Variants in SIPA1L1 observed in about 807,000 individuals in gnomAD.
SIPA1L1 encodes signal induced proliferation associated 1 like 1.
SIPA1L1 carries 26 observed loss-of-function variants against 162.7 expected under a neutral mutation model. The ratio of observed to expected loss-of-function variants is 0.16; its 90% CI spans 0.12 to 0.22. The LOEUF is 0.22. SIPA1L1 is among the 10% of genes least tolerant of loss of function. SIPA1L1 has a pLI of 1.00. For synonymous variants in SIPA1L1, 829 were observed against 837.4 expected (o/e 0.99, Z 0.17); for missense variants, 1,874 against 2,241.0 (o/e 0.84, Z 3.31).
chr14:71,444,215 A>G (rs1287110158), intron 2 of SIPA1L1, among the ~76,000 whole-genome samples: 1 of 152,190 alleles, frequency 6.6e-6, no homozygotes, highest in African/African-American at 2.4e-5. Flanking sequence ...CGTTCTCGAA[A>G]GTAATACCGA....
chr14:71,336,881 C>G (rs1244628057), intron 2 of SIPA1L1, among the ~76,000 whole-genome samples: 1 of 151,972 alleles, frequency 6.6e-6, no homozygotes, highest in Non-Finnish European at 1.5e-5. Flanking sequence ...TCATTTTTTT[C>G]CCTTTGAATT....
At position 71,624,150 on chromosome 14, in the gene SIPA1L1, G is replaced by A. The variant is rs1567336631; in HGVS notation, c.1732G>A (p.Val578Ile). The A allele has an allele frequency of 6.2e-7, 1 of 1,614,212 alleles. No individual in the cohort carries two copies. The highest frequency in any genetic ancestry group is 2.2e-5 in the East Asian group (1 of 44,892). Residue 578 changes from valine (V) to isoleucine (I), a missense_variant, in exon 7 of 24, where the codon GTT becomes ATT. Physicochemically the swap from Val to Ile is conservative, Grantham distance 29. Coordinates refer to ENST00000381232, the MANE Select transcript of SIPA1L1 (RefSeq NM_001386936.1). The stretch of plus-strand genomic sequence containing the variant: ...TCTCAAAGAAGTGCTGGAGCACGTG[G>A]TTCCTGAGCTCAATGTCCAGTGCCT... ...LPLKEVLEHV[V>I]PELNVQCLRL...
chr14:71,662,620 T>C (rs1326969098), intron 10 of SIPA1L1, among the ~76,000 whole-genome samples: 2 of 152,174 alleles, frequency 1.3e-5, no homozygotes, highest in Non-Finnish European at 2.9e-5. Context: ...CCGCCTCTCT[T>C]ACATGCTGGG....
At chr14:71,508,965 G>A (rs1433622988) in intron 2 of SIPA1L1, among the ~76,000 whole-genome samples, 1 of 152,198 alleles carries the variant, frequency 6.6e-6, no homozygotes, top group East Asian at 1.9e-4. Flanking sequence ...GTTGAGTAGT[G>A]TAGATTTTCC....
At chr14:71,568,270 C>T (rs2031179398) in intron 4 of SIPA1L1, among the ~76,000 whole-genome samples, 1 of 152,150 alleles carries the variant, frequency 6.6e-6, no homozygotes, top group Admixed American at 6.5e-5. Flanking sequence ...TACAAGGGAA[C>T]CCTTAATCCT....
At chr14:71,488,435 T>A (rs2048952225) in intron 2 of SIPA1L1, among the ~76,000 whole-genome samples, 1 of 152,210 alleles carries the variant, frequency 6.6e-6, no homozygotes. Context: ...AGGACATAAT[T>A]TCCCAACTAG....
At chr14:71,679,475 A>G (rs2045563299) in intron 12 of SIPA1L1, among the ~76,000 whole-genome samples, 1 of 152,254 alleles carries the variant, frequency 6.6e-6, no homozygotes, top group African/African-American at 2.4e-5. Context: ...AGCCACTGCA[A>G]AAACATGCCA....
At chr14:71,511,477 T>TG (rs1445524283) in intron 2 of SIPA1L1, among the ~76,000 whole-genome samples, 2 of 151,958 alleles carry the variant, frequency 1.3e-5, no homozygotes, top group African/African-American at 2.4e-5. Context: ...TTTGCAGAGT[T>TG]GGGGTCTCAC....
intron 4 of SIPA1L1, among the ~76,000 whole-genome samples, chr14:71,563,266 C>G (rs2056934995): frequency 6.7e-6 from 1 of 148,666 alleles, no homozygotes; most frequent in Non-Finnish European, 1.5e-5. Context: ...TAGCATCTAG[C>G]TTGATGTTTT....
intron 4 of SIPA1L1, among the ~76,000 whole-genome samples, chr14:71,566,041 TCTAA>T (rs2030479434): frequency 6.6e-6 from 1 of 152,014 alleles, no homozygotes; most frequent in African/African-American, 2.4e-5. Context: ...GACATGAGTG[TCTAA>T]CTAGGGAAAT....
At chr14:71,552,789 C>T (rs1028226868) in intron 4 of SIPA1L1, among the ~76,000 whole-genome samples, 1 of 152,090 alleles carries the variant, frequency 6.6e-6, no homozygotes, top group African/African-American at 2.4e-5. Context: ...TGGGGACTAC[C>T]GAGTGCCTTG....
chr14:71,478,072 G>A (rs960188382), intron 2 of SIPA1L1, among the ~76,000 whole-genome samples: 3 of 152,222 alleles, frequency 2.0e-5, no homozygotes, highest in Non-Finnish European at 4.4e-5. Context: ...GGATGGATGT[G>A]TAGTGGTGTC....
intron 2 of SIPA1L1, among the ~76,000 whole-genome samples, chr14:71,370,015 A>T (rs1205433443): frequency 7.5e-6 from 1 of 132,938 alleles, no homozygotes; most frequent in East Asian, 2.1e-4. Context: ...TTGATTTTGT[A>T]TCCTGAGACT....
At chr14:71,356,592 A>C (rs2037291519) in intron 2 of SIPA1L1, among the ~76,000 whole-genome samples, 1 of 148,032 alleles carries the variant, frequency 6.8e-6, no homozygotes, top group African/African-American at 2.5e-5. Flanking sequence ...AAAAAAGCAC[A>C]CCTGTTGTCC....
At position 71,367,937 on chromosome 14, in the gene SIPA1L1, C is replaced by T. The variant is rs1225990606; in HGVS notation, c.-465+46756C>T. ...TTTTTTTTTTTTTTTTTAATTAAAA[C>T]ATTAGTTAATTCTTATTAAAAGATT... On this transcript the variant is annotated intron_variant, in intron 2 of 23. Transcript: ENST00000381232. 4.6e-5 allele frequency among the ~76,000 whole-genome samples: 6 copies of T among 129,660 alleles called. No individual in the cohort carries two copies. The East Asian group carries it at 6.9e-4, about 15-fold the overall frequency. 85.1% of individuals were successfully genotyped at this position (129,660 alleles called of 152,430 possible).
At chr14:71,591,172 A>G (rs1210316854) in intron 5 of SIPA1L1, among the ~76,000 whole-genome samples, 1 of 152,312 alleles carries the variant, frequency 6.6e-6, no homozygotes, top group Non-Finnish European at 1.5e-5. Context: ...TTATTATAAT[A>G]ATGAACATTT....
At chr14:71,662,878 A>C (rs1410591134) in intron 10 of SIPA1L1, among the ~76,000 whole-genome samples, 1 of 152,234 alleles carries the variant, frequency 6.6e-6, no homozygotes, top group Non-Finnish European at 1.5e-5. Context: ...AACTATTTGC[A>C]TTTAGAAAAT....
chr14:71,464,093 A>C (rs1463310430), intron 2 of SIPA1L1, among the ~76,000 whole-genome samples: 1 of 152,234 alleles, frequency 6.6e-6, no homozygotes, highest in Non-Finnish European at 1.5e-5. Flanking sequence ...TGCTGCCCTC[A>C]GCAATCTGTT....
At chr14:71,544,163 G>GTACATATATGCACGTGTGTGTATATA (rs1469573287) in intron 4 of SIPA1L1, among the ~76,000 whole-genome samples, 7 of 146,312 alleles carry the variant, frequency 4.8e-5, no homozygotes, top group East Asian at 2.0e-4. Flanking sequence ...GTGTGTATAT[G>GTACATATATGCACGTGTGTGTATATA]TACATATATG....
Sources: allele counts gnomAD v4.1 joint callset (sites outside exome capture counted in the v4.1 genomes callset), GRCh38; gene constraint gnomAD v4.1.1; transcripts MANE v1.5; gene names NCBI Gene and HGNC (gene_info 2026-07-23, HGNC 2026-07-21).